The following LRRC49 variants were observed in gnomAD, a reference collection of about 807,000 sequenced individuals.
LRRC49 encodes the protein leucine rich repeat containing 49.
A neutral mutation model predicts 83.3 loss-of-function variants in LRRC49; 50 were observed. That is an observed-to-expected ratio of 0.60 (90% confidence interval 0.48 to 0.76). The LOEUF (loss-of-function observed/expected upper bound fraction) is 0.76, where lower values mean the gene tolerates loss of function less well. Ranked by LOEUF, LRRC49 falls within the 30% of genes least tolerant of loss-of-function variation. The pLI is 0.00. For synonymous variants in LRRC49, 286 were observed against 283.3 expected (o/e 1.01, Z -0.10); for missense variants, 704 against 809.1 (o/e 0.87, Z 1.58).
chr15:71,009,658 A>G (rs1003892012), intron 12 of LRRC49, 149 bp from the exon 13 acceptor site: 1 of 540,496 alleles, frequency 1.9e-6, no homozygotes. Flanking sequence ...AGTTTAGTAC[A>G]TTCAGTTGAT....
At chr15:70,900,266 G>C in intron 3 of LRRC49, 1 of 344,624 alleles carries the variant, frequency 2.9e-6, no homozygotes, top group South Asian at 2.3e-5. Context: ...ACCTTAGAGG[G>C]GTGTCATATA....
chr15:70,954,285 A>G (rs866045326), intron 8 of LRRC49, among the ~76,000 whole-genome samples: 1 of 152,168 alleles, frequency 6.6e-6, no homozygotes, highest in Non-Finnish European at 1.5e-5. Context: ...CATTTCCAGA[A>G]GTTCAGTTTG....
chr15:70,895,868 A>G lies in LRRC49; in HGVS notation c.125A>G (p.Lys42Arg), dbSNP rs199811271. The G allele has an allele frequency of 1.2e-4, 190 of 1,609,772 alleles. 1 individual carries two copies. Among genetic ancestry groups the G allele is most frequent in the Non-Finnish European group, 2.9e-5 (34 of 1,178,144 alleles). The part of the protein sequence containing the change: ...EKNKVEFKLN[K>R]DTSSFPGRLL... Reference sequence around the variant, plus strand: ...TTTCAGGTTGAATTCAAGCTAAATAAAGACACATCGTCATTCCCCGGTAGA... The same window carrying G: ...TTTCAGGTTGAATTCAAGCTAAATAGAGACACATCGTCATTCCCCGGTAGA... Residue 42 changes from lysine to arginine, a missense_variant, in exon 3 of 16, where the codon AAA (lysine) becomes AGA (arginine). Transcript: ENST00000260382.
chr15:70,991,358 A>G (rs2037872897), intron 11 of LRRC49, among the ~76,000 whole-genome samples: 2 of 152,234 alleles, frequency 1.3e-5, no homozygotes, highest in African/African-American at 4.8e-5. Flanking sequence ...GTCCCTCAGT[A>G]TCCACAGGGG....
intron 11 of LRRC49, among the ~76,000 whole-genome samples, chr15:70,986,648 C>G (rs1266595011): frequency 6.6e-6 from 1 of 151,308 alleles, no homozygotes; most frequent in Non-Finnish European, 1.5e-5. Flanking sequence ...CCTAATTGCC[C>G]TGGCCAGAAC....
intron 1 of LRRC49, among the ~76,000 whole-genome samples, chr15:70,868,994 G>T (rs2032969712): frequency 6.6e-6 from 1 of 152,118 alleles, no homozygotes; most frequent in African/African-American, 2.4e-5. Flanking sequence ...GATGTCTATT[G>T]CAGCTTTATG....
At chr15:70,933,428 C>T (rs965462599) in intron 7 of LRRC49, among the ~76,000 whole-genome samples, 1 of 152,020 alleles carries the variant, frequency 6.6e-6, no homozygotes, top group Non-Finnish European at 1.5e-5. Context: ...AAATAGTTAC[C>T]TCCAGAAAGG....
chr15:70,965,289 T>C (rs2036756187), intron 9 of LRRC49, among the ~76,000 whole-genome samples: 1 of 152,144 alleles, frequency 6.6e-6, no homozygotes, highest in Admixed American at 6.6e-5. Context: ...ACCCAAACAA[T>C]ATATAGTCTT....
intron 9 of LRRC49, among the ~76,000 whole-genome samples, chr15:70,978,343 T>C (rs1038580196): frequency 8.5e-5 from 13 of 152,178 alleles, no homozygotes; most frequent in African/African-American, 2.9e-4. Flanking sequence ...GTTTTGCAGG[T>C]GCTGTAGCAA....
chr15:70,894,580 C>T (rs992860177), intron 2 of LRRC49: 4 of 1,262,606 alleles, frequency 3.2e-6, no homozygotes, highest in South Asian at 2.6e-5. Context: ...AGCATTTATA[C>T]TTACCTACTT....
chr15:70,989,529 T>C (rs572927201), intron 11 of LRRC49, among the ~76,000 whole-genome samples: 20 of 152,180 alleles, frequency 1.3e-4, no homozygotes, highest in Non-Finnish European at 2.6e-4. Context: ...TAGTTATACA[T>C]TCGTCTAAAT....
At chr15:70,863,856 C>A (rs975671157) in intron 1 of LRRC49, among the ~76,000 whole-genome samples, 5 of 152,174 alleles carry the variant, frequency 3.3e-5, no homozygotes, top group Admixed American at 2.0e-4. Context: ...AGGAATATGA[C>A]TTTGGGATCC....
intron 14 of LRRC49, among the ~76,000 whole-genome samples, chr15:71,026,095 G>A (rs571659019): frequency 6.6e-6 from 1 of 151,420 alleles, no homozygotes; most frequent in Admixed American, 6.6e-5. Flanking sequence ...AGGCCCTGTT[G>A]TGTGATGTTC....
At chr15:70,943,493 C>G (rs1252131755) in intron 8 of LRRC49, among the ~76,000 whole-genome samples, 3 of 152,284 alleles carry the variant, frequency 2.0e-5, no homozygotes, top group Non-Finnish European at 2.9e-5. Flanking sequence ...TATACGTTGG[C>G]ATACTTCCCA....
At position 71,013,045 on chromosome 15, in the gene LRRC49, G is replaced by T; in HGVS notation, c.1703+132G>T. 4 of 600,662 alleles carry T rather than the reference G, an allele frequency of 6.7e-6. No individual in the cohort carries two copies. In the South Asian group the frequency reaches 8.3e-5, roughly 13 times the overall value. 37.2% of individuals were successfully genotyped at this position (600,662 alleles called of 1,614,324 possible). ...TATCCTAGACTGGCCTATTGAAAGT[G>T]TTGGGGATCTTAAGATAAATAAGAT... On this transcript the variant is annotated intron_variant, in intron 14 of 15. Coordinates refer to ENST00000260382, the MANE Select transcript of LRRC49 (RefSeq NM_017691.5).
intron 5 of LRRC49, among the ~76,000 whole-genome samples, chr15:70,910,733 C>T (rs1332348367): frequency 2.0e-5 from 3 of 152,212 alleles, no homozygotes; most frequent in South Asian, 2.1e-4. Context: ...TTAGTATGTT[C>T]GTTCATTCAT....
At chr15:71,023,777 CAG>C (rs2141280043) in intron 14 of LRRC49, among the ~76,000 whole-genome samples, 2 of 152,322 alleles carry the variant, frequency 1.3e-5, no homozygotes, top group South Asian at 4.1e-4. Flanking sequence ...TGCAGATTCT[CAG>C]TGACCACTCG....
intron 3 of LRRC49, chr15:70,900,440 C>T (rs911269760): frequency 1.5e-5 from 7 of 455,846 alleles, no homozygotes; most frequent in African/African-American, 1.4e-4. Context: ...GCATCTCATC[C>T]ACAACAAATG....
chr15:70,871,757 G>A (rs371531741), intron 1 of LRRC49, among the ~76,000 whole-genome samples: 1 of 150,148 alleles, frequency 6.7e-6, no homozygotes, highest in East Asian at 2.0e-4. Context: ...GATCCCAGAC[G>A]GGGCCGCGGC....
Sources: allele counts gnomAD v4.1 joint callset (sites outside exome capture counted in the v4.1 genomes callset), GRCh38; gene constraint gnomAD v4.1.1; transcripts MANE v1.5; gene names NCBI Gene and HGNC (gene_info 2026-07-23, HGNC 2026-07-21).